The following RPP21 variants were observed in gnomAD, a reference collection of about 807,000 sequenced individuals.
The protein encoded by RPP21 is ribonuclease P subunit p21, also known as ribonuclease P protein subunit p21.
In RPP21, 21 loss-of-function variants were observed where a neutral mutation model predicts 19.0. The ratio of observed to expected loss-of-function variants is 1.11; its 90% confidence interval spans 0.78 to 1.59. The LOEUF is 1.59. Ranked by LOEUF, RPP21 falls within the 40% of genes most tolerant of loss-of-function variation. The pLI is 0.00. For missense variants in RPP21, 215 were observed against 200.2 expected, an observed-to-expected ratio of 1.07 and a Z score of -0.45; for synonymous variants, 93 against 78.7, an observed-to-expected ratio of 1.18 and a Z score of -0.96.
chr6:30,346,233 A>T lies in RPP21; in HGVS notation c.242-199A>T. On this transcript the variant is annotated intron_variant, in intron 3 of 4. Coordinates refer to ENST00000442966, the MANE Select transcript of RPP21 (RefSeq NM_024839.4). This position sits in a 1 kb window ranked among gnomAD's most constrained non-coding sequence, Gnocchi z 4.7. Reference sequence around the variant, plus strand: ...ACAGGCCAGTTCTTGAAGTCTTGTTAGGGAGTTTGAACTTTATCTTAAAGA... The same window carrying T: ...ACAGGCCAGTTCTTGAAGTCTTGTTTGGGAGTTTGAACTTTATCTTAAAGA... The T allele has an allele frequency of 1.1e-6, 1 of 922,562 alleles. No homozygotes were observed. The allele number at this position is 922,562 out of a possible 1,614,324, so 57.1% of individuals were successfully genotyped here. A position where few individuals can be genotyped will look rare whatever the true frequency, so the allele number is the denominator to read the frequency against.
At position 30,345,371 on chromosome 6, in the gene RPP21, C is replaced by A; in HGVS notation, c.131C>A (p.Thr44Asn). Residue 44 changes from threonine to asparagine, a missense_variant, in exon 2 of 5, where the codon ACC becomes AAC. Physicochemically the swap from Thr to Asn is moderately conservative, Grantham distance 65. Coordinates refer to ENST00000442966, the MANE Select transcript of RPP21 (RefSeq NM_024839.4). ...LARFYCYTER[T>N]IAKRLVLRRD... ...AGGTTTTACTGCTACACTGAGAGGA[C>A]CATTGCGAAGCGGCTCGTCTTGCGG... The A allele has an allele frequency of 1.9e-6, 3 of 1,613,110 alleles. No individual in the cohort carries two copies. The highest frequency in any genetic ancestry group is 2.5e-6 in the Non-Finnish European group (3 of 1,179,882).
At position 30,345,867 on chromosome 6, in the gene RPP21, T is replaced by C; in HGVS notation, c.241+294T>C. On this transcript the variant is annotated intron_variant, in intron 3 of 4. Coordinates refer to ENST00000442966, the MANE Select transcript of RPP21 (RefSeq NM_024839.4). ...CAATAATAGATGTTGTTCGGCTTTG[T>C]GGAGGACGATTCCCATCACCATTCA... The C allele has an allele frequency of 7.2e-6, 3 of 417,922 alleles. 1 individual carries two copies. In the South Asian group the frequency reaches 1.4e-4, roughly 20 times the overall value. 25.9% of individuals were successfully genotyped at this position (417,922 alleles called of 1,614,324 possible). A position where few individuals can be genotyped will look rare whatever the true frequency, so the allele number is the denominator to read the frequency against.
rs765163637 is a variant in RPP21, at chr6:30,346,748, C to A, written c.403C>A (p.His135Asn). 11 of 1,613,210 alleles carry A rather than the reference C, an allele frequency of 6.8e-6. No individual in the cohort carries two copies. Among genetic ancestry groups the A allele is most frequent in the Non-Finnish European group, 7.6e-6 (9 of 1,180,026 alleles). Reference protein sequence around the residue: ...KPLQPLPNTAHSISDRLPEEK... With the variant: ...KPLQPLPNTANSISDRLPEEK... ...ACTACAACCCTTGCCAAACACAGCC[C>A]ACTCCATTTCAGACCGCCTTCCTGA... Residue 135 changes from histidine to asparagine, a missense_variant, in exon 5 of 5, where the codon CAC (histidine) becomes AAC (asparagine). Coordinates refer to ENST00000442966, the MANE Select transcript of RPP21 (RefSeq NM_024839.4). The surrounding 1 kb of genome is among the most constrained non-coding windows in gnomAD (Gnocchi z 4.7).
At position 30,345,225 on chromosome 6, in the gene RPP21, C is replaced by A. The variant is rs772967843; in HGVS notation, c.54C>A (p.Tyr18Ter). The change falls in exon 1 of 5, where the codon TAC (tyrosine) becomes TAA (stop). Residue 18 changes from tyrosine to a stop codon, truncating the protein, a stop_gained. Transcript: ENST00000442966. LOFTEE classifies it high-confidence loss of function. ...CCTTCCAGAGGCTCAACTTCCTGTA[C>A]CAGGTGAGTCTGCGACAAGGGCCCC... ...REAFQRLNFL[Y>*]QAAHCVLAQD... 1.2e-5 allele frequency: 20 copies of A among 1,605,956 alleles called. No individual in the cohort carries two copies. The highest frequency in any genetic ancestry group is 1.6e-5 in the Non-Finnish European group (19 of 1,176,500).
intron 3 of RPP21, 198 bp downstream of exon 3, chr6:30,345,771 GC>G: frequency 1.7e-6 from 1 of 604,258 alleles, no homozygotes; most frequent in East Asian, 3.3e-5. Context: ...TTTGGGCTCG[GC>G]TGTTTTTTTT....
chr6:30,345,585 A>G lies in RPP21; in HGVS notation c.241+12A>G, dbSNP rs904769997. ...CCAGCGCCAGAGACGTGAGTGCTCCAACGGAGGTGGAAGACTGCGGAGCAT... is the reference window on the plus strand; with the variant it reads ...CCAGCGCCAGAGACGTGAGTGCTCCGACGGAGGTGGAAGACTGCGGAGCAT... On this transcript the variant is annotated intron_variant, in intron 3 of 4. Coordinates refer to ENST00000442966, the MANE Select transcript of RPP21 (RefSeq NM_024839.4). 44 of 1,422,846 alleles carry G rather than the reference A, an allele frequency of 3.1e-5. No homozygotes were observed. The highest frequency in any genetic ancestry group is 4.1e-5 in the Non-Finnish European group (44 of 1,068,664). The allele number at this position is 1,422,846 out of a possible 1,614,324, so 88.1% of individuals were successfully genotyped here.
rs771713824 is a variant in RPP21 at position 30,345,524 on chromosome 6, C to G, written c.192C>G (p.Gly64=). 1.3e-6 allele frequency: 2 copies of G among 1,596,248 alleles called. No individual in the cohort carries two copies. Among genetic ancestry groups the G allele is most frequent in the African/African-American group, 1.3e-5 (1 of 74,570 alleles). ...DPSVKRTLCR[G]CSSLLVPGLT... is the part of the protein sequence containing the mutation. The stretch of plus-strand genomic sequence containing the variant: ...CGGTGAAGAGGACTCTCTGTCGAGG[C>G]TGCTCTTCCCTCCTCGTCCCGGGCC... Residue 64 remains glycine (G), a synonymous_variant, in exon 3 of 5, where the codon GGC becomes GGG. Coordinates refer to ENST00000442966, the MANE Select transcript of RPP21 (RefSeq NM_024839.4).
At position 30,346,582 on chromosome 6, in the gene RPP21, G is replaced by A. The variant is rs1358809774; in HGVS notation, c.367+25G>A. ...GGTGAGAGGTGAGGGAGAAAATGGA[G>A]GACACCCCAGAGGATAGGGACAATG... is the stretch of plus-strand genomic sequence containing the variant. On this transcript the variant is annotated intron_variant, in intron 4 of 4. Transcript: ENST00000442966. This position sits in a 1 kb window ranked among gnomAD's most constrained non-coding sequence, Gnocchi z 4.7. The A allele has an allele frequency of 1.2e-6, 2 of 1,614,072 alleles. No homozygotes were observed. Among genetic ancestry groups the A allele is most frequent in the Non-Finnish European group, 1.7e-6 (2 of 1,179,994 alleles).
rs549794009 is a variant in RPP21 at position 30,346,831 on chromosome 6, A to C, written c.*21A>C. ...AGTGATGGATTCACCCCATCTCCCA[A>C]ATAAAGTTTACTTGTTTTACATTCC... is the stretch of plus-strand genomic sequence containing the variant. On this transcript the variant is annotated 3_prime_UTR_variant, in exon 5 of 5. Transcript: ENST00000442966. This position sits in a 1 kb window ranked among gnomAD's most constrained non-coding sequence, Gnocchi z 4.7. The C allele has an allele frequency of 3.1e-6, 5 of 1,611,840 alleles. No individual in the cohort carries two copies. The South Asian group carries it at 5.5e-5, about 18-fold the overall frequency.
rs1562434644 is a variant in RPP21 at position 30,345,203 on chromosome 6, T to G, written c.32T>G (p.Phe11Cys). Residue 11 changes from phenylalanine (F) to cysteine (C), a missense_variant, in exon 1 of 5, where the codon TTC becomes TGC. Coordinates refer to ENST00000442966, the MANE Select transcript of RPP21 (RefSeq NM_024839.4). ...GGGCCGGTGAAGGACCGCGAGGCCT[T>G]CCAGAGGCTCAACTTCCTGTACCAG... is the stretch of plus-strand genomic sequence containing the variant. MAGPVKDREA[F>C]QRLNFLYQAA... is the part of the protein sequence containing the mutation. 6.3e-7 allele frequency: 1 copy of G among 1,587,644 alleles called. No individual in the cohort carries two copies. The highest frequency in any genetic ancestry group is 1.8e-5 in the Admixed American group (1 of 56,012).
Position 30,346,143 on chromosome 6 carries a change from A to T in RPP21, c.242-289A>T. The stretch of plus-strand genomic sequence containing the variant: ...ACAAGAGAGCTTGTGGTGCTGTCAA[A>T]GAAATGAGAGTTCAGGAGGCTGGAG... On this transcript the variant is annotated intron_variant, in intron 3 of 4. Coordinates refer to ENST00000442966, the MANE Select transcript of RPP21 (RefSeq NM_024839.4). The surrounding 1 kb of genome is among the most constrained non-coding windows in gnomAD (Gnocchi z 4.7). 2.7e-6 allele frequency: 1 copy of T among 374,364 alleles called. No homozygotes were observed. The highest frequency in any genetic ancestry group is 4.8e-6 in the Non-Finnish European group (1 of 208,460). The allele number at this position is 374,364 out of a possible 1,614,324, so 23.2% of individuals were successfully genotyped here.
At chr6:30,345,733 T>C in intron 3 of RPP21, 160 bp downstream of exon 3, 1 of 869,786 alleles carries the variant, frequency 1.1e-6, no homozygotes, top group Non-Finnish European at 1.7e-6. Context: ...TTGGATTAAG[T>C]TCCTAACGCC....
In RPP21 at chr6:30,345,579, T is replaced by C; in HGVS notation, c.241+6T>C. 1 of 1,356,478 alleles carries C rather than the reference T, an allele frequency of 7.4e-7. No individual in the cohort carries two copies. Among genetic ancestry groups the C allele is most frequent in the Non-Finnish European group, 9.7e-7 (1 of 1,028,436 alleles). The allele number at this position is 1,356,478 out of a possible 1,614,324, so 84.0% of individuals were successfully genotyped here. ...CTGCACCCAGCGCCAGAGACGTGAGTGCTCCAACGGAGGTGGAAGACTGCG... is the reference window on the plus strand; with the variant it reads ...CTGCACCCAGCGCCAGAGACGTGAGCGCTCCAACGGAGGTGGAAGACTGCG... On this transcript the variant is annotated splice_donor_region_variant and intron_variant, in intron 3 of 4. Transcript: ENST00000442966.
chr6:30,346,701 T>C lies in RPP21; in HGVS notation c.368-12T>C. 3 of 1,613,780 alleles carry C rather than the reference T, an allele frequency of 1.9e-6. No individual in the cohort carries two copies. The highest frequency in any genetic ancestry group is 2.2e-5 in the East Asian group (1 of 44,886). On this transcript the variant is annotated splice_polypyrimidine_tract_variant and intron_variant, in intron 4 of 4. Coordinates refer to ENST00000442966, the MANE Select transcript of RPP21 (RefSeq NM_024839.4). The surrounding 1 kb of genome is among the most constrained non-coding windows in gnomAD (Gnocchi z 4.7). ...ACTAATTCTGTTTCTCTGATTCTGC[T>C]CATTTACTCAGATTCCAAACCACTA...
chr6:30,346,580 G>A lies in RPP21; in HGVS notation c.367+23G>A, dbSNP rs1225653728. 12 of 1,613,998 alleles carry A rather than the reference G, an allele frequency of 7.4e-6. No homozygotes were observed. The highest frequency in any genetic ancestry group is 1.6e-4 in the Middle Eastern group (1 of 6,076). On this transcript the variant is annotated intron_variant, in intron 4 of 4. Transcript: ENST00000442966. The surrounding 1 kb of genome is among the most constrained non-coding windows in gnomAD (Gnocchi z 4.7). ...CAGGTGAGAGGTGAGGGAGAAAATG[G>A]AGGACACCCCAGAGGATAGGGACAA... is the stretch of plus-strand genomic sequence containing the variant.
At position 30,346,541 on chromosome 6, in the gene RPP21, G is replaced by C; in HGVS notation, c.351G>C (p.Gln117His). 1.2e-6 allele frequency: 2 copies of C among 1,614,138 alleles called. No homozygotes were observed. The highest frequency in any genetic ancestry group is 8.5e-7 in the Non-Finnish European group (1 of 1,180,024). ...HLLWGDRPEAQLGSQADSKPL... is the reference protein window; with the variant it reads ...HLLWGDRPEAHLGSQADSKPL... ...TCTGGGGAGACAGGCCTGAGGCCCA[G>C]CTCGGGAGCCAAGCAGGTGAGAGGT... Residue 117 changes from glutamine (Q) to histidine (H), a missense_variant, in exon 4 of 5, where the codon CAG (glutamine) becomes CAC (histidine). Coordinates refer to ENST00000442966, the MANE Select transcript of RPP21 (RefSeq NM_024839.4). This position sits in a 1 kb window ranked among gnomAD's most constrained non-coding sequence, Gnocchi z 4.7.
intron 3 of RPP21, chr6:30,345,832 C>T: frequency 4.1e-6 from 2 of 486,626 alleles, no homozygotes. Context: ...GAGGCAACCC[C>T]ACCCATGCAC....
chr6:30,345,363 T>C lies in RPP21; in HGVS notation c.123T>C (p.Thr41=). ...CGCTGGCGAGGTTTTACTGCTACAC[T>C]GAGAGGACCATTGCGAAGCGGCTCG... ...NQALARFYCY[T]ERTIAKRLVL... is the part of the protein sequence containing the mutation. The change falls in exon 2 of 5, where the codon ACT becomes ACC. Residue 41 remains threonine (T), a synonymous_variant. Transcript: ENST00000442966. 1 of 1,612,882 alleles carries C rather than the reference T, an allele frequency of 6.2e-7. No individual in the cohort carries two copies. The highest frequency in any genetic ancestry group is 8.5e-7 in the Non-Finnish European group (1 of 1,179,820).
Position 30,346,441 on chromosome 6 carries a change from G to T in RPP21, c.251G>T (p.Gly84Val), listed in dbSNP as rs770234824. 1.2e-5 allele frequency: 20 copies of T among 1,613,940 alleles called. No individual in the cohort carries two copies. Among genetic ancestry groups the T allele is most frequent in the Non-Finnish European group, 1.6e-5 (19 of 1,179,992 alleles). ...CCCATGTTCACCCTAGGCTGCAGGG[G>T]ACAGCGCTGGACCGTACAGACCTGC... is the stretch of plus-strand genomic sequence containing the variant. ...TCTQRQRRCRGQRWTVQTCLT... is the reference protein window; with the variant it reads ...TCTQRQRRCRVQRWTVQTCLT... The change falls in exon 4 of 5, where the codon GGA (glycine) becomes GTA (valine). Residue 84 changes from glycine (G) to valine (V), a missense_variant. By Grantham distance (109) the Gly-to-Val change is moderately radical. Coordinates refer to ENST00000442966, the MANE Select transcript of RPP21 (RefSeq NM_024839.4). The surrounding 1 kb of genome is among the most constrained non-coding windows in gnomAD (Gnocchi z 4.7).
Sources: allele counts gnomAD v4.1 joint callset, GRCh38; gene constraint gnomAD v4.1.1; non-coding constraint Gnocchi (gnomAD v3.1); transcripts MANE v1.5; gene names NCBI Gene and HGNC (gene_info 2026-07-23, HGNC 2026-07-21).